Variants in THSD4 observed in about 807,000 individuals in gnomAD.
The protein encoded by THSD4 is thrombospondin type-1 domain-containing protein 4.
THSD4 carries 69 observed loss-of-function variants against 119.0 expected under a neutral mutation model. That is an observed-to-expected ratio of 0.58 (90% confidence interval 0.48 to 0.71). THSD4 has a LOEUF of 0.71. Among genes scored for constraint, THSD4 ranks in the 30% least tolerant of loss-of-function variants. The pLI is 0.00. For missense variants in THSD4, 1,393 were observed against 1,391.1 expected (o/e 1.00, Z -0.02); for synonymous variants, 524 against 540.4 (o/e 0.97, Z 0.42).
chr15:71,764,894 C>A lies in THSD4; in HGVS notation c.2590-126C>A, dbSNP rs2277542. ...CCTCCAGAAACATTTCCAAGTTCTC[C>A]TGGGTTCTTCCTCCTAGAATTGGTG... On this transcript the variant is annotated intron_variant, in intron 15 of 17. Coordinates refer to ENST00000261862, the MANE Select transcript of THSD4 (RefSeq NM_024817.3). 18,362 of 1,229,122 alleles carry A rather than the reference C, an allele frequency of 0.015. 1,318 individuals are homozygous for A. The African/African-American group carries it at 0.18, about 12-fold the overall frequency. 76.1% of individuals were successfully genotyped at this position (1,229,122 alleles called of 1,614,324 possible).
chr15:71,266,154 T>G (rs546058850), intron 6 of THSD4, among the ~76,000 whole-genome samples: 1 of 152,352 alleles, frequency 6.6e-6, no homozygotes, highest in East Asian at 1.9e-4. Context: ...CCCCTGTGCC[T>G]TCTGACTGGG....
At chr15:71,578,295 C>T (rs2140910386) in intron 7 of THSD4, among the ~76,000 whole-genome samples, 1 of 151,888 alleles carries the variant, frequency 6.6e-6, no homozygotes, top group African/African-American at 2.4e-5. Context: ...GGGTAGCTAG[C>T]ACCAACATCT....
chr15:71,591,553 G>A (rs969524119), intron 7 of THSD4, among the ~76,000 whole-genome samples: 1 of 152,178 alleles, frequency 6.6e-6, no homozygotes, highest in East Asian at 1.9e-4. Flanking sequence ...CATGCTCCAT[G>A]TGTGGCAGAT....
intron 1 of THSD4, among the ~76,000 whole-genome samples, chr15:71,138,970 T>TCCCC (rs1323152943): frequency 5.9e-4 from 83 of 140,812 alleles, no homozygotes; most frequent in African/African-American, 2.4e-3. Flanking sequence ...ACAAACAGTA[T>TCCCC]CCCTCCCCCC....
At chr15:71,423,190 C>T (rs1054487502) in intron 7 of THSD4, among the ~76,000 whole-genome samples, 20 of 152,058 alleles carry the variant, frequency 1.3e-4, no homozygotes, top group African/African-American at 4.3e-4. Flanking sequence ...TCCACTATGG[C>T]CAAACTGGTA....
intron 8 of THSD4, among the ~76,000 whole-genome samples, chr15:71,717,734 T>C (rs11856779): frequency 1.3e-5 from 2 of 152,106 alleles, no homozygotes; most frequent in African/African-American, 4.8e-5. Context: ...GGCCATTAAG[T>C]GACTGGCCCT....
chr15:71,285,733 AG>A (rs1265494587), intron 6 of THSD4, among the ~76,000 whole-genome samples: 2 of 152,026 alleles, frequency 1.3e-5, no homozygotes, highest in Non-Finnish European at 2.9e-5. Context: ...GTGCACCTGT[AG>A]TCCCAGCTAT....
At chr15:71,118,477 G>C (rs2040381758) in intron 1 of THSD4, among the ~76,000 whole-genome samples, 1 of 152,066 alleles carries the variant, frequency 6.6e-6, no homozygotes, top group African/African-American at 2.4e-5. Context: ...GTTCAGCCTG[G>C]ATGAGCCTCG....
chr15:71,643,118 CAGTG>C (rs1330382575), intron 7 of THSD4, among the ~76,000 whole-genome samples: 3 of 151,942 alleles, frequency 2.0e-5, no homozygotes, highest in African/African-American at 4.8e-5. Flanking sequence ...TGGGAGGAGT[CAGTG>C]AGTTAATTTA....
intron 7 of THSD4, among the ~76,000 whole-genome samples, chr15:71,588,731 G>T (rs1352695896): frequency 6.6e-6 from 1 of 152,178 alleles, no homozygotes; most frequent in Admixed American, 6.5e-5. Context: ...ACCACACCTG[G>T]CCAGTGATGC....
chr15:71,303,349 A>G (rs375350060), intron 6 of THSD4, among the ~76,000 whole-genome samples: 1 of 152,162 alleles, frequency 6.6e-6, no homozygotes, highest in Admixed American at 6.5e-5. Context: ...AGCATGGGCT[A>G]AGTTTTTTAC....
chr15:71,704,620 A>T (rs148906836), intron 8 of THSD4, among the ~76,000 whole-genome samples: 1,578 of 152,338 alleles, frequency 0.01, 30 homozygotes, highest in African/African-American at 0.034. Context: ...ATGAGAACAG[A>T]CTAATACAAC....
intron 7 of THSD4, among the ~76,000 whole-genome samples, chr15:71,501,082 A>G (rs1411795518): frequency 6.6e-6 from 1 of 152,232 alleles, no homozygotes; most frequent in Non-Finnish European, 1.5e-5. Context: ...TGGATATTCT[A>G]ACAATATTAA....
intron 6 of THSD4, among the ~76,000 whole-genome samples, chr15:71,292,272 A>G (rs1408173716): frequency 1.3e-5 from 2 of 151,928 alleles, no homozygotes; most frequent in Non-Finnish European, 2.9e-5. Context: ...CGTTGTGATG[A>G]GGTATCTCGG....
chr15:71,603,802 G>T (rs1196508275), intron 7 of THSD4, among the ~76,000 whole-genome samples: 1 of 152,188 alleles, frequency 6.6e-6, no homozygotes, highest in Non-Finnish European at 1.5e-5. Flanking sequence ...GACAATTGCT[G>T]TTATTGGAAG....
At chr15:71,505,791 G>C (rs140526444) in intron 7 of THSD4, among the ~76,000 whole-genome samples, 1 of 152,318 alleles carries the variant, frequency 6.6e-6, no homozygotes, top group African/African-American at 2.4e-5. Context: ...AGCTCTTGGC[G>C]ATACCCATGC....
chr15:71,145,450 C>G (rs1386767820), intron 2 of THSD4, among the ~76,000 whole-genome samples: 2 of 152,022 alleles, frequency 1.3e-5, no homozygotes, highest in Non-Finnish European at 2.9e-5. Flanking sequence ...GGTCAAGTGT[C>G]TGGTTTTAGT....
intron 6 of THSD4, among the ~76,000 whole-genome samples, chr15:71,296,132 G>A (rs1255287528): frequency 6.6e-6 from 1 of 152,150 alleles, no homozygotes; most frequent in Non-Finnish European, 1.5e-5. Flanking sequence ...ACACATTTTT[G>A]TGAGGGCGTA....
intron 6 of THSD4, among the ~76,000 whole-genome samples, chr15:71,334,250 A>G (rs1244867054): frequency 5.9e-5 from 9 of 152,226 alleles, no homozygotes; most frequent in Admixed American, 5.9e-4. Flanking sequence ...TTCATGATGC[A>G]TAACATGAAA....
Sources: gnomAD v4.1 joint callset for allele counts (sites outside exome capture counted in the v4.1 genomes callset) on GRCh38, gnomAD v4.1.1 for gene constraint, MANE v1.5 for transcripts, NCBI Gene and HGNC (gene_info 2026-07-23, HGNC 2026-07-21) for gene names.